JAK2: variants seen among roughly 807,000 people sequenced by gnomAD.
JAK2 encodes Janus kinase 2, also known as tyrosine-protein kinase JAK2.
JAK2 carries 86 observed loss-of-function variants against 139.3 expected under a neutral mutation model. The observed-to-expected ratio is 0.62, with a 90% CI of 0.52 to 0.74. The LOEUF is 0.74. JAK2 is among the 30% of genes least tolerant of loss of function. The pLI, the probability that JAK2 is intolerant of heterozygous loss-of-function variation, is 0.00. For missense variants in JAK2, 1,421 were observed against 1,360.3 expected (o/e 1.04, Z -0.70); for synonymous variants, 490 against 437.7 (o/e 1.12, Z -1.49).
chr9:5,098,571 C>T (rs1320219726), intron 22 of JAK2: 1 of 152,152 alleles, frequency 6.6e-6, no homozygotes, highest in Non-Finnish European at 1.5e-5. Context: ...TTTAAGGCCT[C>T]TCATCCCTAC....
At chr9:5,057,040 G>C (rs1405867713) in intron 8 of JAK2, among the ~76,000 whole-genome samples, 1 of 152,126 alleles carries the variant, frequency 6.6e-6, no homozygotes, top group Non-Finnish European at 1.5e-5. Context: ...AACAAACTGG[G>C]AAGAGTTGAC....
At chr9:5,001,753 A>AT (rs1362341324) in intron 2 of JAK2, among the ~76,000 whole-genome samples, 1 of 151,428 alleles carries the variant, frequency 6.6e-6, no homozygotes, top group Non-Finnish European at 1.5e-5. Flanking sequence ...AATTGGTACT[A>AT]TTTTTTCCTT....
chr9:5,054,798 A>G lies in JAK2; in HGVS notation c.850A>G (p.Ile284Val), dbSNP rs1447150015. Residue 284 changes from isoleucine to valine, a missense_variant, in exon 7 of 25, where the codon ATT becomes GTT. Physicochemically the swap from Ile to Val is conservative, Grantham distance 29. Transcript: ENST00000381652. This position sits in a 1 kb window ranked among gnomAD's most constrained non-coding sequence, Gnocchi z 4.9. ...TGGAAGTGGTCCTTCAGGTGAGGAG[A>G]TTTTTGCAACCATTATAATAACTGG... ...EPGSGPSGEE[I>V]FATIIITGNG... is the part of the protein sequence containing the mutation. 2 of 1,613,124 alleles carry G rather than the reference A, an allele frequency of 1.2e-6. No individual in the cohort carries two copies. Among genetic ancestry groups the G allele is most frequent in the Admixed American group, 1.7e-5 (1 of 59,928 alleles).
intron 22 of JAK2, chr9:5,097,023 C>T (rs1043153595): frequency 2.0e-4 from 31 of 152,214 alleles, no homozygotes; most frequent in African/African-American, 6.0e-4. Context: ...CAATAGAAGC[C>T]GGTGCTGGAA....
At chr9:5,063,479 G>T (rs188396841) in intron 8 of JAK2, among the ~76,000 whole-genome samples, 2 of 152,118 alleles carry the variant, frequency 1.3e-5, no homozygotes, top group East Asian at 1.9e-4. Flanking sequence ...TCTTATCCTG[G>T]TAACTATGTT....
chr9:5,051,310 G>A (rs1209589841), intron 6 of JAK2, among the ~76,000 whole-genome samples: 1 of 152,046 alleles, frequency 6.6e-6, no homozygotes, highest in Non-Finnish European at 1.5e-5. Context: ...AAGTTCAGAG[G>A]AACAGAAGAA....
intron 22 of JAK2, among the ~76,000 whole-genome samples, chr9:5,116,060 A>C (rs887400295): frequency 1.8e-4 from 28 of 152,080 alleles, no homozygotes; most frequent in African/African-American, 6.3e-4. Context: ...AGTATAATAA[A>C]ATTTAAAAAA....
chr9:5,025,806 A>G (rs1338014431), intron 3 of JAK2, among the ~76,000 whole-genome samples: 11 of 152,192 alleles, frequency 7.2e-5, no homozygotes, highest in Non-Finnish European at 1.6e-4. Flanking sequence ...TGTGTGAGCC[A>G]CTGCACCCAG....
At chr9:5,058,260 T>A (rs1183143285) in intron 8 of JAK2, among the ~76,000 whole-genome samples, 1 of 152,170 alleles carries the variant, frequency 6.6e-6, no homozygotes, top group Admixed American at 6.5e-5. Flanking sequence ...CTGGATAATT[T>A]ATTTAAAAAG....
intron 22 of JAK2, among the ~76,000 whole-genome samples, chr9:5,095,282 T>C (rs1820901505): frequency 1.3e-5 from 2 of 152,130 alleles, no homozygotes; most frequent in South Asian, 4.1e-4. Context: ...GGAACCCTCA[T>C]CACAATGCTA....
intron 2 of JAK2, among the ~76,000 whole-genome samples, chr9:5,003,922 G>A (rs1428944647): frequency 6.6e-6 from 1 of 151,916 alleles, no homozygotes; most frequent in Admixed American, 6.6e-5. Context: ...ATTTTATTAG[G>A]AGTAGTTTCT....
At chr9:5,108,591 C>G (rs1352888928) in intron 22 of JAK2, 1 of 151,966 alleles carries the variant, frequency 6.6e-6, no homozygotes, top group African/African-American at 2.4e-5. Flanking sequence ...TGTAGAAGCC[C>G]CTATTGCCGG....
At chr9:5,090,637 T>A in intron 21 of JAK2, 67 bp downstream of exon 21, 1 of 1,528,388 alleles carries the variant, frequency 6.5e-7, no homozygotes, top group East Asian at 2.3e-5. Flanking sequence ...TAGGAAATCA[T>A]CTAGACGTTT....
chr9:5,066,449 C>T (rs374989817), intron 9 of JAK2, among the ~76,000 whole-genome samples: 1 of 151,934 alleles, frequency 6.6e-6, no homozygotes, highest in East Asian at 1.9e-4. Flanking sequence ...TTATAAATAC[C>T]TTTTATTGGT....
intron 22 of JAK2, among the ~76,000 whole-genome samples, chr9:5,118,316 CATA>C (rs1375083951): frequency 5.9e-5 from 9 of 152,130 alleles, no homozygotes; most frequent in South Asian, 2.1e-4. Context: ...CCAAATTTTG[CATA>C]ATATGTTACA....
intron 19 of JAK2, among the ~76,000 whole-genome samples, chr9:5,086,643 A>G (rs532961756): frequency 6.6e-6 from 1 of 152,308 alleles, no homozygotes; most frequent in South Asian, 2.1e-4. Flanking sequence ...ATTATGTTAA[A>G]TGAGTTCCTT....
chr9:5,111,747 G>A, intron 22 of JAK2: 1 of 424,668 alleles, frequency 2.4e-6, no homozygotes, highest in Non-Finnish European at 4.6e-6. Context: ...CGGCTGCACG[G>A]AGGAGAAGTG....
intron 2 of JAK2, among the ~76,000 whole-genome samples, chr9:5,012,321 G>T (rs1821754880): frequency 6.6e-6 from 1 of 152,050 alleles, no homozygotes; most frequent in Non-Finnish European, 1.5e-5. Flanking sequence ...CCCCCGATTT[G>T]TATCTGCTTT....
chr9:5,036,589 C>G (rs907947496), intron 4 of JAK2, among the ~76,000 whole-genome samples: 6 of 152,024 alleles, frequency 3.9e-5, no homozygotes, highest in African/African-American at 9.7e-5. Flanking sequence ...TTTGACAAAC[C>G]TGACAAAAAC....
Sources: allele counts gnomAD v4.1 joint callset (sites outside exome capture counted in the v4.1 genomes callset), GRCh38; gene constraint gnomAD v4.1.1; non-coding constraint Gnocchi (gnomAD v3.1); transcripts MANE v1.5; gene names NCBI Gene and HGNC (gene_info 2026-07-23, HGNC 2026-07-21).